Variants in NALF1 observed in about 807,000 individuals in gnomAD.
NALF1 encodes NALCN channel auxiliary factor 1.
NALF1 carries 3 observed loss-of-function variants against 48.4 expected under a neutral mutation model. The ratio of observed to expected loss-of-function variants is 0.06; its 90% CI spans 0.03 to 0.16. The LOEUF is 0.16. Ranked by LOEUF, NALF1 falls within the 10% of genes least tolerant of loss-of-function variation. NALF1 has a pLI of 1.00. For synonymous variants in NALF1, 262 were observed against 245.7 expected (o/e 1.07, Z -0.62); for missense variants, 526 against 571.5 (o/e 0.92, Z 0.81).
At chr13:107,471,667 T>C (rs991861855) in intron 1 of NALF1, among the ~76,000 whole-genome samples, 1 of 152,234 alleles carries the variant, frequency 6.6e-6, no homozygotes, top group Non-Finnish European at 1.5e-5. Flanking sequence ...AAATAAGCTC[T>C]CTAATCAATG....
intron 1 of NALF1, among the ~76,000 whole-genome samples, chr13:107,833,277 T>C (rs1879795329): frequency 6.6e-6 from 1 of 152,224 alleles, no homozygotes; most frequent in Non-Finnish European, 1.5e-5. Context: ...GTCTTACCTA[T>C]ACCACACCTT....
At chr13:107,424,748 C>T (rs1200220358) in intron 1 of NALF1, among the ~76,000 whole-genome samples, 2 of 152,196 alleles carry the variant, frequency 1.3e-5, no homozygotes, top group African/African-American at 4.8e-5. Flanking sequence ...TCATCTACTA[C>T]TCATATAAAT....
chr13:107,701,804 A>G (rs1419583936), intron 1 of NALF1, among the ~76,000 whole-genome samples: 2 of 152,200 alleles, frequency 1.3e-5, no homozygotes, highest in African/African-American at 2.4e-5. Flanking sequence ...TAACCATTTA[A>G]CTATATATAA....
intron 1 of NALF1, among the ~76,000 whole-genome samples, chr13:107,449,990 A>C (rs1884713396): frequency 1.3e-5 from 2 of 152,116 alleles, no homozygotes; most frequent in Non-Finnish European, 2.9e-5. Flanking sequence ...AATTTTCTTC[A>C]AAGTGTTTGT....
intron 1 of NALF1, among the ~76,000 whole-genome samples, chr13:107,773,684 A>C (rs888961684): frequency 2.2e-5 from 3 of 133,604 alleles, no homozygotes; most frequent in Non-Finnish European, 4.6e-5. Flanking sequence ...AACAATGAGA[A>C]CACATGGACA....
intron 1 of NALF1, among the ~76,000 whole-genome samples, chr13:107,852,943 C>A (rs925082238): frequency 1.3e-5 from 2 of 152,160 alleles, no homozygotes; most frequent in African/African-American, 4.8e-5. Context: ...GGCTTATTTG[C>A]AGCATCCTTT....
chr13:107,562,481 T>C (rs1841731028), intron 1 of NALF1, among the ~76,000 whole-genome samples: 1 of 152,198 alleles, frequency 6.6e-6, no homozygotes, highest in African/African-American at 2.4e-5. Context: ...TTTGTATGCA[T>C]CCCAGATCAG....
chr13:107,189,078 T>C (rs1257547888), intron 2 of NALF1, among the ~76,000 whole-genome samples: 2 of 152,184 alleles, frequency 1.3e-5, no homozygotes, highest in East Asian at 3.9e-4. Context: ...CACATTAAAA[T>C]GGCAAAGAAG....
intron 1 of NALF1, among the ~76,000 whole-genome samples, chr13:107,567,632 T>G (rs894422979): frequency 6.6e-6 from 1 of 152,224 alleles, no homozygotes; most frequent in African/African-American, 2.4e-5. Flanking sequence ...CCATTACACA[T>G]GCACTCTTCT....
At chr13:107,391,986 G>T (rs1883635083) in intron 1 of NALF1, among the ~76,000 whole-genome samples, 1 of 152,054 alleles carries the variant, frequency 6.6e-6, no homozygotes. Flanking sequence ...TCTTTCTGTT[G>T]ACACTGTTGT....
chr13:107,269,019 T>C (rs1881100016), intron 1 of NALF1, among the ~76,000 whole-genome samples: 1 of 152,062 alleles, frequency 6.6e-6, no homozygotes, highest in Admixed American at 6.6e-5. Flanking sequence ...AGGAATAAAC[T>C]GGGAGTGGTG....
intron 1 of NALF1, among the ~76,000 whole-genome samples, chr13:107,307,367 A>T (rs1056091947): frequency 6.6e-6 from 1 of 152,224 alleles, no homozygotes; most frequent in African/African-American, 2.4e-5. Flanking sequence ...ACTACCAGGC[A>T]CTGTCATCAG....
intron 1 of NALF1, among the ~76,000 whole-genome samples, chr13:107,317,679 T>C (rs1209059051): frequency 6.6e-6 from 1 of 152,060 alleles, no homozygotes; most frequent in Non-Finnish European, 1.5e-5. Context: ...AATAGTAGCA[T>C]ATAACATATG....
intron 1 of NALF1, among the ~76,000 whole-genome samples, chr13:107,293,691 G>A (rs1231914358): frequency 6.6e-6 from 1 of 152,118 alleles, no homozygotes; most frequent in African/African-American, 2.4e-5. Context: ...TTACATCCTT[G>A]TGAAAAACGG....
intron 1 of NALF1, among the ~76,000 whole-genome samples, chr13:107,270,089 C>G (rs1189780429): frequency 6.6e-6 from 1 of 151,964 alleles, no homozygotes; most frequent in Non-Finnish European, 1.5e-5. Flanking sequence ...TTTCTTATAA[C>G]ATCACTTTCA....
At chr13:107,457,433 T>C (rs1469933551) in intron 1 of NALF1, among the ~76,000 whole-genome samples, 1 of 152,192 alleles carries the variant, frequency 6.6e-6, no homozygotes, top group Admixed American at 6.5e-5. Flanking sequence ...TAAGTGAATG[T>C]GTGTCTACAA....
rs1880169173 is a variant in NALF1 at position 107,641,978 on chromosome 13, C to A, written c.915+223704G>T. On this transcript the variant is annotated intron_variant, in intron 1 of 2. Transcript: ENST00000375915. ...TGGCATCGGTAGCTTCTATATATAG[C>A]TTTCCAGGTGACTGCAATGTGCAGT... Among the ~76,000 whole-genome samples, 3 of 152,148 alleles carry A rather than the reference C, an allele frequency of 2.0e-5. No homozygotes were observed. In the South Asian group the frequency reaches 6.2e-4, roughly 32 times the overall value.
chr13:107,416,012 T>A (rs946157021), intron 1 of NALF1, among the ~76,000 whole-genome samples: 1 of 149,614 alleles, frequency 6.7e-6, no homozygotes, highest in Non-Finnish European at 1.5e-5. Flanking sequence ...GATTTTTTTT[T>A]CTTTTTTTTT....
intron 1 of NALF1, among the ~76,000 whole-genome samples, chr13:107,592,454 G>A (rs556483661): frequency 3.8e-4 from 58 of 151,842 alleles, no homozygotes; most frequent in African/African-American, 1.3e-3. Flanking sequence ...TAAAAGTATG[G>A]TTTGTCCTTT....
Sources: allele counts gnomAD v4.1 joint callset (sites outside exome capture counted in the v4.1 genomes callset), GRCh38; gene constraint gnomAD v4.1.1; transcripts MANE v1.5; gene names NCBI Gene and HGNC (gene_info 2026-07-23, HGNC 2026-07-21).